The following RAB31 variants were observed in gnomAD, a reference collection of about 807,000 sequenced individuals.
RAB31 encodes ras-related protein Rab-31.
RAB31 carries 21 observed loss-of-function variants against 25.6 expected under a neutral mutation model. The observed-to-expected ratio is 0.82, with a 90% CI of 0.58 to 1.18. RAB31 has a LOEUF of 1.18. RAB31 is among the 50% of genes most tolerant of loss of function. The probability of loss-of-function intolerance (pLI) is 0.00; values close to 1 mark genes in which losing one functional copy is unlikely to be tolerated. For synonymous variants in RAB31, 87 were observed against 84.0 expected (o/e 1.04, Z -0.20); for missense variants, 196 against 250.1 (o/e 0.78, Z 1.46).
chr18:9,783,744 G>T (rs2068417538), intron 2 of RAB31, among the ~76,000 whole-genome samples: 1 of 152,214 alleles, frequency 6.6e-6, no homozygotes, highest in African/African-American at 2.4e-5. Context: ...GAATACCACA[G>T]TTGAAAGGTG....
At chr18:9,757,667 C>T (rs1310418464) in intron 1 of RAB31, among the ~76,000 whole-genome samples, 1 of 152,126 alleles carries the variant, frequency 6.6e-6, no homozygotes, top group Non-Finnish European at 1.5e-5. Flanking sequence ...GCTGTGTGGA[C>T]ATGTGTGTGC....
intron 2 of RAB31, among the ~76,000 whole-genome samples, chr18:9,790,301 T>C (rs1295675168): frequency 1.3e-5 from 2 of 152,156 alleles, no homozygotes; most frequent in African/African-American, 4.8e-5. Context: ...GGCGCTTCAC[T>C]ACCAGCCTCA....
At chr18:9,819,650 C>T (rs1051747817) in intron 5 of RAB31, among the ~76,000 whole-genome samples, 1 of 152,058 alleles carries the variant, frequency 6.6e-6, no homozygotes, top group African/African-American at 2.4e-5. Flanking sequence ...TCTTTAGGCC[C>T]ATTCAGGTAT....
intron 2 of RAB31, among the ~76,000 whole-genome samples, chr18:9,781,405 C>G (rs2068403491): frequency 6.6e-6 from 1 of 152,152 alleles, no homozygotes; most frequent in Admixed American, 6.5e-5. Flanking sequence ...CAACCTTTAC[C>G]TCCCAGGTTC....
chr18:9,772,471 G>A (rs940244533), intron 1 of RAB31, among the ~76,000 whole-genome samples: 3 of 152,234 alleles, frequency 2.0e-5, no homozygotes, highest in African/African-American at 7.2e-5. Context: ...CCGTGTGCCT[G>A]GCCCTGCTTA....
chr18:9,771,014 A>G (rs920091455), intron 1 of RAB31, among the ~76,000 whole-genome samples: 1 of 152,042 alleles, frequency 6.6e-6, no homozygotes, highest in African/African-American at 2.4e-5. Flanking sequence ...AACCCCTAAC[A>G]TTTAAAAATA....
intron 1 of RAB31, among the ~76,000 whole-genome samples, chr18:9,761,076 GTAGC>G (rs2068286215): frequency 6.6e-6 from 1 of 152,102 alleles, no homozygotes. Flanking sequence ...GCATTTCATG[GTAGC>G]TCTGTAGCCA....
intron 5 of RAB31, among the ~76,000 whole-genome samples, chr18:9,836,119 C>G (rs2299839): frequency 2.6e-5 from 4 of 152,010 alleles, no homozygotes; most frequent in Non-Finnish European, 4.4e-5. Context: ...AGCCGTCTCC[C>G]GCTCACCGCT....
At chr18:9,796,449 T>C (rs2068487605) in intron 3 of RAB31, among the ~76,000 whole-genome samples, 1 of 152,242 alleles carries the variant, frequency 6.6e-6, no homozygotes, top group African/African-American at 2.4e-5. Context: ...GCACCTAATC[T>C]TAATCTAAAA....
chr18:9,842,022 T>TAA (rs2068736957), intron 5 of RAB31, among the ~76,000 whole-genome samples: 1 of 152,054 alleles, frequency 6.6e-6, no homozygotes, highest in Non-Finnish European at 1.5e-5. Context: ...CCTCCTATAA[T>TAA]ATTAATTTGA....
At chr18:9,732,874 C>T (rs764850662) in intron 1 of RAB31, among the ~76,000 whole-genome samples, 27 of 152,168 alleles carry the variant, frequency 1.8e-4, no homozygotes, top group Non-Finnish European at 3.4e-4. Flanking sequence ...TGCTAATGCT[C>T]ATCTTACTGA....
chr18:9,718,409 G>C (rs563476200), intron 1 of RAB31, among the ~76,000 whole-genome samples: 1 of 151,940 alleles, frequency 6.6e-6, no homozygotes, highest in Non-Finnish European at 1.5e-5. Flanking sequence ...ACAGGCATGC[G>C]CCACCATGCC....
intron 1 of RAB31, among the ~76,000 whole-genome samples, chr18:9,728,976 G>T (rs1458933771): frequency 6.6e-6 from 1 of 151,906 alleles, no homozygotes; most frequent in Non-Finnish European, 1.5e-5. Context: ...TCTGTTACCT[G>T]CCCCTTCACA....
intron 3 of RAB31, among the ~76,000 whole-genome samples, chr18:9,807,324 T>C (rs16955672): frequency 0.069 from 10,564 of 152,268 alleles, 463 homozygotes; most frequent in African/African-American, 0.12. Flanking sequence ...TACTGTGACC[T>C]TGAGGCTAAG....
chr18:9,708,380 C>T lies in RAB31; in HGVS notation c.-26C>T, dbSNP rs937516080. 3.2e-6 allele frequency: 5 copies of T among 1,541,886 alleles called. No homozygotes were observed. Among genetic ancestry groups the T allele is most frequent in the African/African-American group, 2.9e-5 (2 of 70,064 alleles). ...GGCGGCCCCGGAGGATGCTGCTGAG[C>T]CCCGGCACTGCCTGGCTGCGAGCAC... is the stretch of plus-strand genomic sequence containing the variant. On this transcript the variant is annotated 5_prime_UTR_variant, in exon 1 of 7. Coordinates refer to ENST00000578921, the MANE Select transcript of RAB31 (RefSeq NM_006868.4). This position sits in a 1 kb window ranked among gnomAD's most constrained non-coding sequence, Gnocchi z 6.4.
At chr18:9,793,545 C>T in intron 3 of RAB31, among the ~76,000 whole-genome samples, 1 of 151,868 alleles carries the variant, frequency 6.6e-6, no homozygotes, top group East Asian at 1.9e-4. Flanking sequence ...ATCTGTAGTC[C>T]CAGCTACTCG....
In RAB31 at chr18:9,860,731, C is replaced by G. The variant is rs965630391; in HGVS notation, c.*1406C>G. 1 of 152,186 alleles carries G rather than the reference C, an allele frequency of 6.6e-6. No individual in the cohort carries two copies. The highest frequency in any genetic ancestry group is 2.4e-5 in the African/African-American group (1 of 41,442). The allele number at this position is 152,186 out of a possible 1,614,324, so 9.4% of individuals were successfully genotyped here. A position where few individuals can be genotyped will look rare whatever the true frequency, so the allele number is the denominator to read the frequency against. On this transcript the variant is annotated 3_prime_UTR_variant, in exon 7 of 7. Coordinates refer to ENST00000578921, the MANE Select transcript of RAB31 (RefSeq NM_006868.4). ...TGTGCTAGCCAGGGCCAGCTGGTACCTTCTTTGCCATGAGCATTCAAGGGA... is the reference window on the plus strand; with the variant it reads ...TGTGCTAGCCAGGGCCAGCTGGTACGTTCTTTGCCATGAGCATTCAAGGGA...
chr18:9,722,639 A>C (rs1286220578), intron 1 of RAB31: 2 of 152,194 alleles, frequency 1.3e-5, no homozygotes, highest in African/African-American at 4.8e-5. Flanking sequence ...TGGAATAGTT[A>C]ATGACTACCT....
chr18:9,744,320 G>C (rs146329294), intron 1 of RAB31, among the ~76,000 whole-genome samples: 1 of 152,166 alleles, frequency 6.6e-6, no homozygotes, highest in Non-Finnish European at 1.5e-5. Context: ...CTGTTAGCAT[G>C]GCTAAAATGA....
Sources: allele counts gnomAD v4.1 joint callset (sites outside exome capture counted in the v4.1 genomes callset), GRCh38; gene constraint gnomAD v4.1.1; non-coding constraint Gnocchi (gnomAD v3.1); transcripts MANE v1.5; gene names NCBI Gene and HGNC (gene_info 2026-07-23, HGNC 2026-07-21).